NCKAP1L: variants seen among roughly 807,000 people sequenced by gnomAD.
The protein encoded by NCKAP1L is nck-associated protein 1-like.
Under a neutral mutation model 139.2 loss-of-function variants are expected in NCKAP1L, and 53 were observed. That is an observed-to-expected ratio of 0.38 (90% CI 0.31 to 0.48). The LOEUF (loss-of-function observed/expected upper bound fraction) is 0.48. NCKAP1L is among the 20% of genes least tolerant of loss of function. The probability of loss-of-function intolerance (pLI) is 0.98; values close to 1 mark genes in which losing one functional copy is unlikely to be tolerated. For synonymous variants in NCKAP1L, 468 were observed against 499.7 expected (o/e 0.94, Z 0.85); for missense variants, 1,151 against 1,381.9 (o/e 0.83, Z 2.65).
At chr12:54,500,272 C>T (rs528050457) in intron 2 of NCKAP1L, among the ~76,000 whole-genome samples, 195 of 152,100 alleles carry the variant, frequency 1.3e-3, no homozygotes, top group African/African-American at 4.4e-3. Flanking sequence ...TACAGGCGCC[C>T]GCCACCACGC....
chr12:54,523,357 A>G (rs1957000966), intron 18 of NCKAP1L, 37 bp from the exon 19 acceptor site: 1 of 1,588,240 alleles, frequency 6.3e-7, no homozygotes, highest in Non-Finnish European at 8.5e-7. Flanking sequence ...TTAGCAACAA[A>G]TCCCCTTTCT....
At chr12:54,527,782 G>A (rs1957038375) in intron 21 of NCKAP1L, among the ~76,000 whole-genome samples, 1 of 152,212 alleles carries the variant, frequency 6.6e-6, no homozygotes, top group African/African-American at 2.4e-5. Flanking sequence ...GCTCCTTTAA[G>A]TTTGCCCAGA....
At chr12:54,504,007 A>G (rs1956822756) in intron 3 of NCKAP1L, among the ~76,000 whole-genome samples, 1 of 152,160 alleles carries the variant, frequency 6.6e-6, no homozygotes, top group Admixed American at 6.6e-5. Flanking sequence ...TGTAAAAGCA[A>G]ATTGCAGTAA....
At position 54,517,829 on chromosome 12, in the gene NCKAP1L, T is replaced by G; in HGVS notation, c.1229T>G (p.Leu410Trp). 1 of 1,614,130 alleles carries G rather than the reference T, an allele frequency of 6.2e-7. No homozygotes were observed. Among genetic ancestry groups the G allele is most frequent in the Non-Finnish European group, 8.5e-7 (1 of 1,180,006 alleles). Residue 410 changes from leucine to tryptophan, a missense_variant, in exon 13 of 31, where the codon TTG (leucine) becomes TGG (tryptophan). Leu to Trp is a moderately conservative substitution (Grantham distance 61). Coordinates refer to ENST00000293373, the MANE Select transcript of NCKAP1L (RefSeq NM_005337.5). ...ADSSIAELLF[L>W]LEGIRSLVRR... ...AGGAGCATTGCAGAGCTACTTTTCTTGTTGGAGGGGATTAGGTCTCTGGTC... is the reference window on the plus strand; with the variant it reads ...AGGAGCATTGCAGAGCTACTTTTCTGGTTGGAGGGGATTAGGTCTCTGGTC...
At position 54,532,332 on chromosome 12, in the gene NCKAP1L, C is replaced by T. The variant is rs1384289177; in HGVS notation, c.2862+82C>T. On this transcript the variant is annotated intron_variant, in intron 26 of 30. Coordinates refer to ENST00000293373, the MANE Select transcript of NCKAP1L (RefSeq NM_005337.5). ...GTAGCTAGGATCTTGTAAGGGAGAG[C>T]GGGTTCTGAAGAACACCATAGGGAT... The T allele has an allele frequency of 3.6e-5, 41 of 1,153,070 alleles. No individual in the cohort carries two copies. The South Asian group carries it at 4.5e-4, about 13-fold the overall frequency. 71.4% of individuals were successfully genotyped at this position (1,153,070 alleles called of 1,614,324 possible).
chr12:54,531,081 C>T (rs970921243), intron 22 of NCKAP1L, among the ~76,000 whole-genome samples, 179 bp from the exon 23 acceptor site: 11 of 152,108 alleles, frequency 7.2e-5, no homozygotes, highest in African/African-American at 2.7e-4. Context: ...GGTAAATGTC[C>T]CATGGACTTG....
intron 22 of NCKAP1L, among the ~76,000 whole-genome samples, chr12:54,529,267 G>A (rs890895804): frequency 1.3e-5 from 2 of 152,190 alleles, no homozygotes; most frequent in African/African-American, 4.8e-5. Flanking sequence ...GCCTTCCAGT[G>A]TCTAGAAGTG....
Position 54,523,353 on chromosome 12 carries a change from A to G in NCKAP1L, c.1879-41A>G. On this transcript the variant is annotated intron_variant, in intron 18 of 30. Coordinates refer to ENST00000293373, the MANE Select transcript of NCKAP1L (RefSeq NM_005337.5). ...ATAACTGTCAGGTGCCGTTTTAGCA[A>G]CAAATCCCCTTTCTCCATTTACCTG... 1.9e-6 allele frequency: 3 copies of G among 1,586,570 alleles called. No individual in the cohort carries two copies. In the East Asian group the frequency reaches 6.7e-5, roughly 36 times the overall value.
chr12:54,532,034 A>G, intron 25 of NCKAP1L, 136 bp from the exon 26 acceptor site: 1 of 776,742 alleles, frequency 1.3e-6, no homozygotes, highest in Non-Finnish European at 2.0e-6. Context: ...AGGCATAAGG[A>G]GAGGGATGGC....
At chr12:54,524,459 A>G (rs1211250153) in intron 20 of NCKAP1L, among the ~76,000 whole-genome samples, 1 of 152,148 alleles carries the variant, frequency 6.6e-6, no homozygotes, top group African/African-American at 2.4e-5. Flanking sequence ...CCTAGCTTCC[A>G]CTTTGCGCTT....
At chr12:54,535,341 C>A (rs1957106412) in intron 27 of NCKAP1L, 144 bp downstream of exon 27, 2 of 595,186 alleles carry the variant, frequency 3.4e-6, no homozygotes. Context: ...GGACCCTAAC[C>A]TTCAGAAAAT....
Position 54,543,694 on chromosome 12 carries a change from CTTTTCTGCGCTAATT to C in NCKAP1L, c.*1010_*1024del, listed in dbSNP as rs1957177375. 1 of 152,200 alleles carries C rather than the reference CTTTTCTGCGCTAATT, an allele frequency of 6.6e-6. No homozygotes were observed. The highest frequency in any genetic ancestry group is 2.4e-5 in the African/African-American group (1 of 41,448). 9.4% of individuals were successfully genotyped at this position (152,200 alleles called of 1,614,324 possible). The stretch of plus-strand genomic sequence containing the variant: ...GAGTACAAGCTGTTTCAACTTAGCC[CTTTTCTGCGCTAATT>C]AGAATTTCAAGCGTCACAGAGCCTG... On this transcript the variant is annotated 3_prime_UTR_variant, in exon 31 of 31. Coordinates refer to ENST00000293373, the MANE Select transcript of NCKAP1L (RefSeq NM_005337.5).
intron 1 of NCKAP1L, chr12:54,498,730 CT>C (rs761071128): frequency 2.1e-6 from 2 of 950,754 alleles, no homozygotes; most frequent in Non-Finnish European, 2.5e-6. Context: ...TGAGCAGCTG[CT>C]TTTCTTGTTC....
chr12:54,538,884 G>A lies in NCKAP1L; in HGVS notation c.3184G>A (p.Val1062Met). Residue 1062 changes from valine (V) to methionine (M), a missense_variant and splice_region_variant, in exon 30 of 31, where the codon GTG becomes ATG. By Grantham distance (21) the Val-to-Met change is conservative. Coordinates refer to ENST00000293373, the MANE Select transcript of NCKAP1L (RefSeq NM_005337.5). ...IETHLKEFLV[V>M]ASVSLLQLGQ... ...TGCTTTACAAATTCTTCCCTTACAG[G>A]TGGCCTCTGTCAGCCTCTTGCAGCT... 6.2e-7 allele frequency: 1 copy of A among 1,613,674 alleles called. No individual in the cohort carries two copies. The highest frequency in any genetic ancestry group is 8.5e-7 in the Non-Finnish European group (1 of 1,179,642).
chr12:54,509,732 G>A lies in NCKAP1L; in HGVS notation c.570G>A (p.Leu190=), dbSNP rs369137316. Residue 190 remains leucine (L), a synonymous_variant, in exon 6 of 31, where the codon CTG becomes CTA. Coordinates refer to ENST00000293373, the MANE Select transcript of NCKAP1L (RefSeq NM_005337.5). ...AGTATGACCACCCTCTGAAGAAGCT[G>A]ACAGAAGAGTTTGGGCCTCACACAA... ...VLEYDHPLKK[L]TEEFGPHTKA... 1 of 1,614,096 alleles carries A rather than the reference G, an allele frequency of 6.2e-7. No homozygotes were observed. Among genetic ancestry groups the A allele is most frequent in the African/African-American group, 1.3e-5 (1 of 74,928 alleles).
Position 54,531,117 on chromosome 12 carries a change from T to A in NCKAP1L, c.2507-143T>A. 3 of 665,890 alleles carry A rather than the reference T, an allele frequency of 4.5e-6. No individual in the cohort carries two copies. In the South Asian group the frequency reaches 5.5e-5, roughly 12 times the overall value. The allele number at this position is 665,890 out of a possible 1,614,324, so 41.2% of individuals were successfully genotyped here. A position where few individuals can be genotyped will look rare whatever the true frequency, so the allele number is the denominator to read the frequency against. On this transcript the variant is annotated intron_variant, in intron 22 of 30. Coordinates refer to ENST00000293373, the MANE Select transcript of NCKAP1L (RefSeq NM_005337.5). ...CCAGACTTGTCACTTGAATGTAGGATTTTAGGCTATTTTTGCTCCTTGACT... is the reference window on the plus strand; with the variant it reads ...CCAGACTTGTCACTTGAATGTAGGAATTTAGGCTATTTTTGCTCCTTGACT...
rs1013471871 is a variant in NCKAP1L, at chr12:54,499,423, T to C, written c.171T>C (p.Tyr57=). The C allele has an allele frequency of 3.1e-6, 5 of 1,612,068 alleles. No individual in the cohort carries two copies. The highest frequency in any genetic ancestry group is 4.2e-6 in the Non-Finnish European group (5 of 1,178,122). ...AGTCCATGGAACCATCTCTCAAGTA[T>C]ATCAACAAGAAATTTCCCAACATAG... The part of the protein sequence containing the change: ...LEKSMEPSLK[Y]INKKFPNIDV... Residue 57 remains tyrosine, a synonymous_variant, in exon 2 of 31, where the codon TAT becomes TAC. Transcript: ENST00000293373.
In NCKAP1L at chr12:54,531,775, A is replaced by G. The variant is rs1957073749; in HGVS notation, c.2731A>G (p.Ile911Val). Residue 911 changes from isoleucine to valine, a missense_variant, in exon 25 of 31, where the codon ATT becomes GTT. Ile to Val is a conservative substitution (Grantham distance 29, BLOSUM62 3). Transcript: ENST00000293373. ...AAATGTGCTAAAGCGCATGACCATCATTGGGGTTATCCTCAGTTTCAGGGC... is the reference window on the plus strand; with the variant it reads ...AAATGTGCTAAAGCGCATGACCATCGTTGGGGTTATCCTCAGTTTCAGGGC... ...AENVLKRMTI[I>V]GVILSFRAMA... The G allele has an allele frequency of 6.2e-7, 1 of 1,613,014 alleles. No individual in the cohort carries two copies. Among genetic ancestry groups the G allele is most frequent in the Non-Finnish European group, 8.5e-7 (1 of 1,179,096 alleles).
At chr12:54,499,230 GC>G in intron 1 of NCKAP1L, 124 bp from the exon 2 acceptor site, 1 of 624,696 alleles carries the variant, frequency 1.6e-6, no homozygotes, top group Non-Finnish European at 2.9e-6. Context: ...AGCCTCTCAT[GC>G]TTTTTAAATT....
Sources: gnomAD v4.1 joint callset for allele counts (sites outside exome capture counted in the v4.1 genomes callset) on GRCh38, gnomAD v4.1.1 for gene constraint, MANE v1.5 for transcripts, NCBI Gene and HGNC (gene_info 2026-07-23, HGNC 2026-07-21) for gene names.